Variants in CUBN observed in about 807,000 individuals in gnomAD.
The protein encoded by CUBN is 460 kDa receptor.
A neutral mutation model predicts 405.3 loss-of-function variants in CUBN; 282 were observed. The ratio of observed to expected loss-of-function variants is 0.70; its 90% confidence interval spans 0.63 to 0.77. CUBN has a LOEUF of 0.77. Ranked by LOEUF, CUBN falls within the 30% of genes least tolerant of loss-of-function variation. The pLI is 0.00. For missense variants in CUBN, 4,514 were observed against 4,475.2 expected (o/e 1.01, Z -0.25); for synonymous variants, 1,684 against 1,617.0 (o/e 1.04, Z -0.99).
chr10:16,879,427 C>A (rs1403012562), intron 56 of CUBN, among the ~76,000 whole-genome samples: 1 of 152,210 alleles, frequency 6.6e-6, no homozygotes, highest in African/African-American at 2.4e-5. Context: ...CACCCCAACA[C>A]ACAAAATTTA....
chr10:17,043,682 A>T, intron 26 of CUBN, 145 bp downstream of exon 26: 2 of 1,074,854 alleles, frequency 1.9e-6, no homozygotes, highest in Non-Finnish European at 2.8e-6. Context: ...CACTTATTTC[A>T]GTTTGTTTCA....
chr10:16,994,512 G>A (rs899453102), intron 28 of CUBN, among the ~76,000 whole-genome samples: 1 of 152,170 alleles, frequency 6.6e-6, no homozygotes, highest in Non-Finnish European at 1.5e-5. Context: ...GACTCTGGAT[G>A]CATGACAAAG....
At chr10:16,903,295 C>A (rs1554790651) in intron 51 of CUBN, among the ~76,000 whole-genome samples, 1 of 152,014 alleles carries the variant, frequency 6.6e-6, no homozygotes, top group Non-Finnish European at 1.5e-5. Flanking sequence ...CTTTCTTTAA[C>A]AAAAGATATT....
chr10:16,867,218 C>T (rs1183426113), intron 59 of CUBN, among the ~76,000 whole-genome samples: 1 of 152,062 alleles, frequency 6.6e-6, no homozygotes, highest in Non-Finnish European at 1.5e-5. Flanking sequence ...CTATCTGGTC[C>T]ACAAAGTTGA....
chr10:17,123,446 C>T, intron 5 of CUBN, 142 bp downstream of exon 5: 1 of 737,112 alleles, frequency 1.4e-6, no homozygotes. Flanking sequence ...TGGGTTTTAG[C>T]ATACCTGGTA....
intron 61 of CUBN, 108 bp downstream of exon 61, chr10:16,840,777 G>C (rs1839323669): frequency 9.9e-7 from 1 of 1,007,066 alleles, no homozygotes; most frequent in Non-Finnish European, 1.5e-6. Context: ...AATTGACATT[G>C]AGTTTAGTAA....
chr10:16,933,154 G>C lies in CUBN; in HGVS notation c.6057C>G (p.Leu2019=). 2 of 1,614,070 alleles carry C rather than the reference G, an allele frequency of 1.2e-6. No individual in the cohort carries two copies. The highest frequency in any genetic ancestry group is 1.7e-6 in the Non-Finnish European group (2 of 1,179,996). Residue 2019 remains leucine, a synonymous_variant, in exon 40 of 67, where the codon CTC becomes CTG. Transcript: ENST00000377833. ...LIQAPDSTVE[L]NILSLDIESH... ...ATTCAATGTCCAGGGAAAGAATGTT[G>C]AGTTCCACGGTAGAGTCGGGAGCCT... is the stretch of plus-strand genomic sequence containing the variant.
intron 22 of CUBN, among the ~76,000 whole-genome samples, chr10:17,064,019 T>C (rs1335665473): frequency 1.3e-5 from 2 of 152,212 alleles, no homozygotes; most frequent in Non-Finnish European, 2.9e-5. Flanking sequence ...GTGCACCCTA[T>C]AATTTCTTAA....
intron 50 of CUBN, 122 bp from the exon 51 acceptor site, chr10:16,904,237 G>A (rs749636254): frequency 4.7e-5 from 42 of 901,154 alleles, no homozygotes; most frequent in Non-Finnish European, 6.9e-5. Flanking sequence ...TGATTTAGTA[G>A]CAGACATTGC....
chr10:17,113,440 G>A (rs187817557), intron 8 of CUBN, among the ~76,000 whole-genome samples: 328 of 151,818 alleles, frequency 2.2e-3, no homozygotes, highest in African/African-American at 7.3e-3. Flanking sequence ...AAAAAAATGT[G>A]TGGAATATAT....
chr10:16,869,750 C>G lies in CUBN; in HGVS notation c.9340G>C (p.Gly3114Arg), dbSNP rs117035284. ...TSDPLLGKFC[G>R]SKRPPNVKSS... ...TTCACATTTGGTGGGCGCTTGGAAC[C>G]GCAGAATTTGCCAAGAAGGGGATCG... Residue 3114 changes from glycine to arginine, a missense_variant, in exon 59 of 67, where the codon GGT (glycine) becomes CGT (arginine). Physicochemically the swap from Gly to Arg is moderately radical, Grantham distance 125 (BLOSUM62 -2). Transcript: ENST00000377833. 9.3e-6 allele frequency: 15 copies of G among 1,613,964 alleles called. No individual in the cohort carries two copies. In the Admixed American group the frequency reaches 2.3e-4, roughly 25 times the overall value.
At chr10:16,925,559 T>C in intron 42 of CUBN, 25 bp downstream of exon 42, 1 of 1,613,418 alleles carries the variant, frequency 6.2e-7, no homozygotes, top group Non-Finnish European at 8.5e-7. Flanking sequence ...AAAATGTAAT[T>C]AGAAAGGGTA....
chr10:17,058,164 C>T (rs957994223), intron 22 of CUBN, among the ~76,000 whole-genome samples: 5 of 151,900 alleles, frequency 3.3e-5, no homozygotes, highest in African/African-American at 1.2e-4. Flanking sequence ...ACTATGTATT[C>T]CTGTTCACAG....
Position 17,047,566 on chromosome 10 carries a change from G to A in CUBN, c.3177C>T (p.Phe1059=). The change falls in exon 23 of 67, where the codon TTC becomes TTT. Residue 1059 remains phenylalanine, a synonymous_variant. Transcript: ENST00000377833. ...LQDYTDDLGT[F]TSPNFPNNYP... ...AATTATTGGGGAAGTTTGGAGAAGT[G>A]AATGTCCCCAAATCATCTGTGTAGT... 1 of 1,614,052 alleles carries A rather than the reference G, an allele frequency of 6.2e-7. No homozygotes were observed. Among genetic ancestry groups the A allele is most frequent in the Non-Finnish European group, 8.5e-7 (1 of 1,179,952 alleles).
chr10:16,891,979 A>G (rs780152498), intron 54 of CUBN, among the ~76,000 whole-genome samples: 28 of 152,186 alleles, frequency 1.8e-4, no homozygotes, highest in Non-Finnish European at 3.4e-4. Context: ...TTGACTATTC[A>G]ACATTTTCTT....
At position 17,105,611 on chromosome 10, in the gene CUBN, TCTC is replaced by T. The variant is rs201983518; in HGVS notation, c.1112-39_1112-37del. 5.0e-3 allele frequency: 5,831 copies of T among 1,157,616 alleles called. 208 individuals are homozygous for T. In the African/African-American group the frequency reaches 0.077, roughly 15 times the overall value. 71.7% of individuals were successfully genotyped at this position (1,157,616 alleles called of 1,614,324 possible). On this transcript the variant is annotated intron_variant, in intron 10 of 66. Coordinates refer to ENST00000377833, the MANE Select transcript of CUBN (RefSeq NM_001081.4). ...ATAAAAACAAACGTGTAAATACAGGTCTCCTCCTCTGTTCGGATGCAGTATCTA... is the reference window on the plus strand; with the variant it reads ...ATAAAAACAAACGTGTAAATACAGGTCTCCTCTGTTCGGATGCAGTATCTA...
At chr10:16,915,704 AC>A in intron 46 of CUBN, 116 bp downstream of exon 46, 1 of 834,634 alleles carries the variant, frequency 1.2e-6, no homozygotes. Context: ...ATTAGTCTGC[AC>A]TTCTCTGCAG....
chr10:16,915,281 C>A, intron 46 of CUBN, 109 bp from the exon 47 acceptor site: 1 of 1,303,216 alleles, frequency 7.7e-7, no homozygotes. Flanking sequence ...CAAGACCCTG[C>A]CTATGAAGAA....
intron 45 of CUBN, among the ~76,000 whole-genome samples, chr10:16,917,642 C>G (rs925231549): frequency 2.6e-5 from 4 of 151,908 alleles, no homozygotes; most frequent in Admixed American, 1.3e-4. Flanking sequence ...TTTGATTTAA[C>G]CACATATATT....
Sources: gnomAD v4.1 joint callset for allele counts (sites outside exome capture counted in the v4.1 genomes callset) on GRCh38, gnomAD v4.1.1 for gene constraint, MANE v1.5 for transcripts, NCBI Gene and HGNC (gene_info 2026-07-23, HGNC 2026-07-21) for gene names.